The following CFAP20DC variants were observed in gnomAD, a reference collection of about 807,000 sequenced individuals.
CFAP20DC encodes the protein CFAP20 domain containing.
Under a neutral mutation model 101.7 loss-of-function variants are expected in CFAP20DC, and 84 were observed. That is an observed-to-expected ratio of 0.83 (90% confidence interval 0.69 to 0.99). CFAP20DC has a LOEUF of 0.99. Ranked by LOEUF, CFAP20DC falls within the 50% of genes least tolerant of loss-of-function variation. The pLI, the probability that CFAP20DC is intolerant of heterozygous loss-of-function variation, is 0.00. For missense variants in CFAP20DC, 1,007 were observed against 970.3 expected, an observed-to-expected ratio of 1.04 and a Z score of -0.50; for synonymous variants, 359 against 351.2, an observed-to-expected ratio of 1.02 and a Z score of -0.25.
At chr3:58,839,223 A>G (rs1436525680) in intron 13 of CFAP20DC, among the ~76,000 whole-genome samples, 4 of 152,368 alleles carry the variant, frequency 2.6e-5, no homozygotes, top group African/African-American at 9.6e-5. Context: ...GAATGTTTTC[A>G]GTGGCCTCTA....
chr3:59,036,981 A>G (rs1462138277), intron 4 of CFAP20DC, among the ~76,000 whole-genome samples: 1 of 152,224 alleles, frequency 6.6e-6, no homozygotes, highest in Non-Finnish European at 1.5e-5. Context: ...GATGCTACAC[A>G]TCCACAACCA....
chr3:58,806,374 T>G, intron 15 of CFAP20DC, 21 bp downstream of exon 15: 1 of 1,494,090 alleles, frequency 6.7e-7, no homozygotes, highest in African/African-American at 1.4e-5. Context: ...TTCTTAAATG[T>G]AGATTATTAA....
At chr3:59,017,649 A>G (rs901295973) in intron 4 of CFAP20DC, 3 of 152,086 alleles carry the variant, frequency 2.0e-5, no homozygotes, top group Admixed American at 6.6e-5. Context: ...TCCTCCTTAC[A>G]ATTTTTTAAA....
intron 15 of CFAP20DC, among the ~76,000 whole-genome samples, chr3:58,760,982 T>C (rs538657673): frequency 3.2e-4 from 48 of 152,354 alleles, no homozygotes; most frequent in Non-Finnish European, 6.5e-4. Flanking sequence ...TCAGGGATAT[T>C]GGTCTAAGAT....
downstream of CFAP20DC, chr3:58,737,180 T>G (rs1445968150): frequency 2.2e-6 from 1 of 456,602 alleles, no homozygotes; most frequent in East Asian, 6.9e-5. This position sits in a 1 kb window ranked among gnomAD's most constrained non-coding sequence, Gnocchi z 4.1. Flanking sequence ...AAAGTGGGTC[T>G]AAAAAATCAT....
In CFAP20DC at chr3:58,872,486, G is replaced by A. The variant is rs142872821; in HGVS notation, c.716-2177C>T. Among the ~76,000 whole-genome samples the A allele has an allele frequency of 5.2e-3, 792 of 152,290 alleles. 9 individuals are homozygous for A. The highest frequency in any genetic ancestry group is 0.018 in the African/African-American group (756 of 41,570). ...GTGTGTATGTATGGGTGTGTTTTGG[G>A]TCTGTTTTTGTGTTTGTAATAGATA... On this transcript the variant is annotated intron_variant, in intron 7 of 16. Transcript: ENST00000482387.
At chr3:58,976,373 G>A (rs1353158960) in intron 4 of CFAP20DC, among the ~76,000 whole-genome samples, 1 of 152,198 alleles carries the variant, frequency 6.6e-6, no homozygotes, top group Non-Finnish European at 1.5e-5. Flanking sequence ...GACACTGGGT[G>A]GCTAGAGCAG....
At chr3:58,922,455 G>A (rs950955988) in intron 5 of CFAP20DC, among the ~76,000 whole-genome samples, 1 of 152,182 alleles carries the variant, frequency 6.6e-6, no homozygotes, top group Non-Finnish European at 1.5e-5. Flanking sequence ...GGGTCATGGA[G>A]GCAGATCCCT....
downstream of CFAP20DC, among the ~76,000 whole-genome samples, chr3:58,737,969 A>C (rs1323830536): frequency 6.6e-6 from 1 of 152,160 alleles, no homozygotes; most frequent in African/African-American, 2.4e-5. This position sits in a 1 kb window ranked among gnomAD's most constrained non-coding sequence, Gnocchi z 4.1. Flanking sequence ...CTCAATTGTA[A>C]AATCAGAGCA....
intron 13 of CFAP20DC, among the ~76,000 whole-genome samples, chr3:58,842,223 C>G (rs1442845327): frequency 6.6e-6 from 1 of 152,096 alleles, no homozygotes; most frequent in Admixed American, 6.5e-5. Context: ...ACGCAGAAGA[C>G]GGGTGATTTC....
At chr3:58,751,514 C>T (rs915952412) in intron 16 of CFAP20DC, among the ~76,000 whole-genome samples, 25 of 152,098 alleles carry the variant, frequency 1.6e-4, no homozygotes, top group African/African-American at 5.5e-4. Flanking sequence ...GAGAGGGGGC[C>T]GGCTGAGGGC....
chr3:58,888,971 C>CATCTATTGTTTTT (rs1185905971), intron 6 of CFAP20DC, among the ~76,000 whole-genome samples: 2 of 151,652 alleles, frequency 1.3e-5, no homozygotes. Flanking sequence ...TTCTCCACAA[C>CATCTATTGTTTTT]CTCACCAGCA....
rs1349676689 is a variant in CFAP20DC at position 58,844,015 on chromosome 3, G to A, written c.1971+5017C>T. On this transcript the variant is annotated intron_variant, in intron 13 of 16. Coordinates refer to ENST00000482387, the MANE Select transcript of CFAP20DC (RefSeq NM_001394063.1). Reference sequence around the variant, plus strand: ...CCCTAAAAGAGCTCCTGAAGGAAGCGCTAAACATGGAAAGGAACAACCGGT... The same window carrying A: ...CCCTAAAAGAGCTCCTGAAGGAAGCACTAAACATGGAAAGGAACAACCGGT... Among the ~76,000 whole-genome samples, 13 of 95,418 alleles carry A rather than the reference G, an allele frequency of 1.4e-4. No individual in the cohort carries two copies. In the East Asian group the frequency reaches 3.3e-3, roughly 24 times the overall value. The allele number at this position is 95,418 out of a possible 152,430, so 62.6% of individuals were successfully genotyped here.
intron 6 of CFAP20DC, among the ~76,000 whole-genome samples, chr3:58,896,431 G>C (rs915138710): frequency 6.6e-6 from 1 of 151,682 alleles, no homozygotes; most frequent in Admixed American, 6.6e-5. Context: ...GCTAGCTTTG[G>C]GGTTTGTTTG....
intron 4 of CFAP20DC, among the ~76,000 whole-genome samples, chr3:59,003,413 A>T (rs544448727): frequency 1.3e-5 from 2 of 152,274 alleles, no homozygotes; most frequent in East Asian, 3.9e-4. Context: ...CTGCTTTTAG[A>T]TGTGCTTTAG....
In CFAP20DC at chr3:58,960,166, A is replaced by G. The variant is rs527329972; in HGVS notation, c.279-22404T>C. Among the ~76,000 whole-genome samples, 15 of 152,218 alleles carry G rather than the reference A, an allele frequency of 9.9e-5. 1 individual carries two copies. In the South Asian group the frequency reaches 3.1e-3, roughly 32 times the overall value. ...TTTGTGTCTCCTCTCTTATTTTCTT[A>G]GACAGTTTAACAAAAGGTTTGTAAA... On this transcript the variant is annotated intron_variant, in intron 4 of 16. Transcript: ENST00000482387.
At chr3:59,036,493 A>C (rs976936980) in intron 4 of CFAP20DC, among the ~76,000 whole-genome samples, 15 of 152,176 alleles carry the variant, frequency 9.9e-5, no homozygotes, top group African/African-American at 3.6e-4. Flanking sequence ...ACTCCTATAC[A>C]CCAATAATAG....
intron 4 of CFAP20DC, among the ~76,000 whole-genome samples, chr3:58,995,701 T>C (rs975981571): frequency 6.6e-6 from 1 of 152,170 alleles, no homozygotes; most frequent in Non-Finnish European, 1.5e-5. Context: ...TCAAATGTGG[T>C]TAGGTCTCAT....
chr3:59,044,920 G>A (rs1007482136), intron 3 of CFAP20DC, among the ~76,000 whole-genome samples: 1 of 151,564 alleles, frequency 6.6e-6, no homozygotes, highest in Non-Finnish European at 1.5e-5. Flanking sequence ...GGTTTCCCTG[G>A]ATCATCTTAG....
Sources: allele counts gnomAD v4.1 joint callset (sites outside exome capture counted in the v4.1 genomes callset), GRCh38; gene constraint gnomAD v4.1.1; non-coding constraint Gnocchi (gnomAD v3.1); transcripts MANE v1.5; gene names NCBI Gene and HGNC (gene_info 2026-07-23, HGNC 2026-07-21).